Variants in PRR7 observed in about 807,000 individuals in gnomAD.
PRR7 encodes the protein proline-rich protein 7.
Under a neutral mutation model 18.5 loss-of-function variants are expected in PRR7, and 8 were observed. That is an observed-to-expected ratio of 0.43 (90% confidence interval 0.25 to 0.78). The LOEUF (loss-of-function observed/expected upper bound fraction) is 0.78. Among genes scored for constraint, PRR7 ranks in the 30% least tolerant of loss-of-function variants. The pLI, the probability that PRR7 is intolerant of heterozygous loss-of-function variation, is 0.22. For synonymous variants in PRR7, 221 were observed against 187.7 expected (o/e 1.18, Z -1.45); for missense variants, 396 against 403.1 (o/e 0.98, Z 0.15).
chr5:177,456,273 C>T lies in PRR7; in HGVS notation c.*152C>T, dbSNP rs984151132. 4.6e-6 allele frequency: 5 copies of T among 1,075,538 alleles called. No individual in the cohort carries two copies. The highest frequency in any genetic ancestry group is 6.3e-6 in the Non-Finnish European group (5 of 793,084). 66.6% of individuals were successfully genotyped at this position (1,075,538 alleles called of 1,614,324 possible). ...TTTGAGGATAATAAAGGTGTGTGAT[C>T]TGGTTTGGTACAAGCGGAGGGTGCA... On this transcript the variant is annotated 3_prime_UTR_variant, in exon 4 of 4. Coordinates refer to ENST00000323249, the MANE Select transcript of PRR7 (RefSeq NM_030567.5).
At chr5:177,451,777 C>G (rs1390368725) in intron 1 of PRR7, among the ~76,000 whole-genome samples, 1 of 87,272 alleles carries the variant, frequency 1.1e-5, no homozygotes, top group East Asian at 2.9e-4. Context: ...GACTGTGGTG[C>G]CCAGCCCTCA....
chr5:177,453,815 C>T (rs546354655), intron 1 of PRR7, 141 bp from the exon 2 acceptor site: 1 of 152,294 alleles, frequency 6.6e-6, no homozygotes, highest in Non-Finnish European at 1.5e-5. Context: ...AGGAATCATT[C>T]CAGTTACCCC....
chr5:177,453,632 G>C lies in PRR7; in HGVS notation c.-324-324G>C, dbSNP rs549668336. ...AGCAGTGTGTGTGTGCCTCGGGCAC[G>C]CGGAGGGTAGGGTCCGTGGGGCTCC... On this transcript the variant is annotated intron_variant, in intron 1 of 3. Coordinates refer to ENST00000323249, the MANE Select transcript of PRR7 (RefSeq NM_030567.5). Among the ~76,000 whole-genome samples the C allele has an allele frequency of 9.3e-4, 141 of 152,212 alleles. No homozygotes were observed. In the Middle Eastern group the frequency reaches 0.01, roughly 11 times the overall value.
Position 177,455,038 on chromosome 5 carries a change from G to T in PRR7, c.-30G>T. The T allele has an allele frequency of 6.9e-7, 1 of 1,441,764 alleles. No individual in the cohort carries two copies. The highest frequency in any genetic ancestry group is 2.8e-5 in the East Asian group (1 of 36,354). 89.3% of individuals were successfully genotyped at this position (1,441,764 alleles called of 1,614,324 possible). On this transcript the variant is annotated 5_prime_UTR_variant, in exon 3 of 4. Transcript: ENST00000323249. The surrounding 1 kb of genome is among the most constrained non-coding windows in gnomAD (Gnocchi z 6.9). ...AGCGGAGCCCAGTGTCCAGTGAAGC[G>T]TCTGAGGACCCGCCGCCCGTGCCGC...
Position 177,455,791 on chromosome 5 carries a change from C to T in PRR7, c.495C>T (p.Pro165=). The T allele has an allele frequency of 6.2e-7, 1 of 1,611,502 alleles. No individual in the cohort carries two copies. Among genetic ancestry groups the T allele is most frequent in the African/African-American group, 1.3e-5 (1 of 74,946 alleles). ...EAVLMAEPPP[P]YSEVLTDTRG... The stretch of plus-strand genomic sequence containing the variant: ...TGCTGATGGCAGAGCCGCCGCCGCC[C>T]TATAGCGAGGTGCTCACGGACACGC... Residue 165 remains proline (P), a synonymous_variant, in exon 4 of 4, where the codon CCC becomes CCT. Transcript: ENST00000323249. This position sits in a 1 kb window ranked among gnomAD's most constrained non-coding sequence, Gnocchi z 6.9.
At position 177,455,283 on chromosome 5, in the gene PRR7, G is replaced by A; in HGVS notation, c.216G>A (p.Leu72=). The part of the protein sequence containing the change: ...EGSLAGSPPG[L]APPQPPPHRS... ...GTCTGGCCGGGAGCCCCCCGGGCCT[G>A]GCGCCGCCGCAGCCACCACCACACC... Residue 72 remains leucine, a synonymous_variant, in exon 3 of 4, where the codon CTG becomes CTA. Coordinates refer to ENST00000323249, the MANE Select transcript of PRR7 (RefSeq NM_030567.5). The surrounding 1 kb of genome is among the most constrained non-coding windows in gnomAD (Gnocchi z 6.9). The A allele has an allele frequency of 6.6e-7, 1 of 1,509,986 alleles. No homozygotes were observed. The highest frequency in any genetic ancestry group is 8.8e-7 in the Non-Finnish European group (1 of 1,137,402). 93.5% of individuals were successfully genotyped at this position (1,509,986 alleles called of 1,614,324 possible).
At chr5:177,447,337 C>T (rs1045987177) in intron 1 of PRR7, among the ~76,000 whole-genome samples, 3 of 152,130 alleles carry the variant, frequency 2.0e-5, no homozygotes, top group East Asian at 1.9e-4. Flanking sequence ...GGCATGTCGC[C>T]CCTCTGGCCC....
rs1756052932 is a variant in PRR7 at position 177,449,008 on chromosome 5, C to T, written c.-325+2048C>T. 2.0e-5 allele frequency among the ~76,000 whole-genome samples: 3 copies of T among 152,228 alleles called. No individual in the cohort carries two copies. The highest frequency in any genetic ancestry group is 1.3e-4 in the Admixed American group (2 of 15,288). ...GAATGAGTGAGGCGGGCCAGGGAGCCGCTCAGCTCCAATCTTTGTCACTGT... is the reference window on the plus strand; with the variant it reads ...GAATGAGTGAGGCGGGCCAGGGAGCTGCTCAGCTCCAATCTTTGTCACTGT... On this transcript the variant is annotated intron_variant, in intron 1 of 3. Transcript: ENST00000323249. This position sits in a 1 kb window ranked among gnomAD's most constrained non-coding sequence, Gnocchi z 4.2.
Position 177,455,868 on chromosome 5 carries a change from CGGA to C in PRR7, c.574_576del (p.Glu192del), listed in dbSNP as rs756996450. 1 of 1,611,464 alleles carries C rather than the reference CGGA, an allele frequency of 6.2e-7. No individual in the cohort carries two copies. The highest frequency in any genetic ancestry group is 8.5e-7 in the Non-Finnish European group (1 of 1,179,708). ...CCCTTCCTGAGTCGCCGCGACAGCG[CGGA>C]GAAGCAGGAGCAGCCGCCTCCCAGC... On this transcript the variant is annotated inframe_deletion, in exon 4 of 4. Coordinates refer to ENST00000323249, the MANE Select transcript of PRR7 (RefSeq NM_030567.5). The surrounding 1 kb of genome is among the most constrained non-coding windows in gnomAD (Gnocchi z 6.9).
rs1287371939 is a variant in PRR7, at chr5:177,454,841, C to T, written c.-227C>T. ...GTCTGCCCTACAGGTCCCGCGCGGC[C>T]CCGGGTGAGGCACGCCCGCGCGCCC... On this transcript the variant is annotated 5_prime_UTR_variant, in exon 3 of 4. Transcript: ENST00000323249. The surrounding 1 kb of genome is among the most constrained non-coding windows in gnomAD (Gnocchi z 4.7). 3 of 374,022 alleles carry T rather than the reference C, an allele frequency of 8.0e-6. No individual in the cohort carries two copies. The highest frequency in any genetic ancestry group is 1.1e-4 in the East Asian group (2 of 18,692). The allele number at this position is 374,022 out of a possible 1,614,324, so 23.2% of individuals were successfully genotyped here. A position where few individuals can be genotyped will look rare whatever the true frequency, so the allele number is the denominator to read the frequency against.
chr5:177,452,794 G>A (rs969062369), intron 1 of PRR7, among the ~76,000 whole-genome samples: 1 of 152,238 alleles, frequency 6.6e-6, no homozygotes, highest in Non-Finnish European at 1.5e-5. Context: ...GGCGCCCTCA[G>A]GGCACAGAGG....
Position 177,455,535 on chromosome 5 carries a change from G to A in PRR7, c.427+41G>A. 1 of 1,444,024 alleles carries A rather than the reference G, an allele frequency of 6.9e-7. No homozygotes were observed. Among genetic ancestry groups the A allele is most frequent in the Non-Finnish European group, 9.0e-7 (1 of 1,109,176 alleles). The allele number at this position is 1,444,024 out of a possible 1,614,324, so 89.5% of individuals were successfully genotyped here. ...CGCCAGGGGGCGATCCGGGCCGCCG[G>A]AAGTGGGCGGGCGTTGGAGGGCTCG... is the stretch of plus-strand genomic sequence containing the variant. On this transcript the variant is annotated intron_variant, in intron 3 of 3. Transcript: ENST00000323249. The surrounding 1 kb of genome is among the most constrained non-coding windows in gnomAD (Gnocchi z 6.9).
chr5:177,455,348 C>T lies in PRR7; in HGVS notation c.281C>T (p.Pro94Leu), dbSNP rs1561671043. 6.7e-7 allele frequency: 1 copy of T among 1,491,662 alleles called. No individual in the cohort carries two copies. The highest frequency in any genetic ancestry group is 1.9e-4 in the Middle Eastern group (1 of 5,202). 92.4% of individuals were successfully genotyped at this position (1,491,662 alleles called of 1,614,324 possible). A position where few individuals can be genotyped will look rare whatever the true frequency, so the allele number is the denominator to read the frequency against. ...LEAPAHAHSH[P>L]HVHVHPLLHH... ...GCGCCGGCTCACGCGCACTCGCATC[C>T]GCACGTGCACGTGCACCCGCTGCTG... The change falls in exon 3 of 4, where the codon CCG (proline) becomes CTG (leucine). Residue 94 changes from proline (P) to leucine (L), a missense_variant. This residue lies in a region of PRR7 where 383 missense variants were observed against 372.6 expected (regional missense o/e 1.03). Transcript: ENST00000323249. This position sits in a 1 kb window ranked among gnomAD's most constrained non-coding sequence, Gnocchi z 6.9.
chr5:177,448,882 A>G (rs1756044559), intron 1 of PRR7, among the ~76,000 whole-genome samples: 1 of 152,170 alleles, frequency 6.6e-6, no homozygotes, highest in Non-Finnish European at 1.5e-5. Flanking sequence ...GGGAGAGAAA[A>G]TTTAGCAAAG....
In PRR7 at chr5:177,449,498, T is replaced by C. The variant is rs920537135; in HGVS notation, c.-325+2538T>C. ...CAGGCCTACCCCTCGGCACTCTGCA[T>C]GTTACCCAGGCTGCCCCCCACAGGG... On this transcript the variant is annotated intron_variant, in intron 1 of 3. Coordinates refer to ENST00000323249, the MANE Select transcript of PRR7 (RefSeq NM_030567.5). This position sits in a 1 kb window ranked among gnomAD's most constrained non-coding sequence, Gnocchi z 4.2. Among the ~76,000 whole-genome samples, 1 of 128,144 alleles carries C rather than the reference T, an allele frequency of 7.8e-6. No individual in the cohort carries two copies. Among genetic ancestry groups the C allele is most frequent in the Non-Finnish European group, 1.8e-5 (1 of 56,618 alleles). 84.1% of individuals were successfully genotyped at this position (128,144 alleles called of 152,430 possible).
At chr5:177,448,741 C>A (rs1756036936) in intron 1 of PRR7, among the ~76,000 whole-genome samples, 1 of 152,222 alleles carries the variant, frequency 6.6e-6, no homozygotes, top group African/African-American at 2.4e-5. Flanking sequence ...CCCTTCTTCA[C>A]TTCCTCCCTC....
At position 177,455,417 on chromosome 5, in the gene PRR7, C is replaced by T; in HGVS notation, c.350C>T (p.Pro117Leu). The change falls in exon 3 of 4, where the codon CCG (proline) becomes CTG (leucine). Residue 117 changes from proline (P) to leucine (L), a missense_variant. Physicochemically the swap from Pro to Leu is moderately conservative, Grantham distance 98. Transcript: ENST00000323249. This position sits in a 1 kb window ranked among gnomAD's most constrained non-coding sequence, Gnocchi z 6.9. ...AQPHAHAHPHPHHHALPHPPP... is the reference protein window; with the variant it reads ...AQPHAHAHPHLHHHALPHPPP... Reference sequence around the variant, plus strand: ...CCGCACGCGCACGCGCACCCACACCCGCACCACCACGCGCTCCCGCACCCG... The same window carrying T: ...CCGCACGCGCACGCGCACCCACACCTGCACCACCACGCGCTCCCGCACCCG... 1.3e-6 allele frequency: 2 copies of T among 1,504,340 alleles called. No homozygotes were observed. The highest frequency in any genetic ancestry group is 1.8e-6 in the Non-Finnish European group (2 of 1,133,736). The allele number at this position is 1,504,340 out of a possible 1,614,324, so 93.2% of individuals were successfully genotyped here.
At position 177,455,352 on chromosome 5, in the gene PRR7, C is replaced by T. The variant is rs1245509537; in HGVS notation, c.285C>T (p.His95=). 9 of 1,493,076 alleles carry T rather than the reference C, an allele frequency of 6.0e-6. No individual in the cohort carries two copies. Among genetic ancestry groups the T allele is most frequent in the Middle Eastern group, 3.8e-4 (2 of 5,280 alleles). 92.5% of individuals were successfully genotyped at this position (1,493,076 alleles called of 1,614,324 possible). ...CGGCTCACGCGCACTCGCATCCGCACGTGCACGTGCACCCGCTGCTGCACC... is the reference window on the plus strand; with the variant it reads ...CGGCTCACGCGCACTCGCATCCGCATGTGCACGTGCACCCGCTGCTGCACC... ...EAPAHAHSHP[H]VHVHPLLHHG... is the part of the protein sequence containing the mutation. The change falls in exon 3 of 4, where the codon CAC becomes CAT. Residue 95 remains histidine (H), a synonymous_variant. Transcript: ENST00000323249. The surrounding 1 kb of genome is among the most constrained non-coding windows in gnomAD (Gnocchi z 6.9).
At chr5:177,447,984 G>A (rs1042122714) in intron 1 of PRR7, among the ~76,000 whole-genome samples, 11 of 152,190 alleles carry the variant, frequency 7.2e-5, no homozygotes, top group Admixed American at 2.0e-4. Flanking sequence ...AGCTCCTCTG[G>A]GAGGAGAATG....
Sources: gnomAD v4.1 joint callset for allele counts (sites outside exome capture counted in the v4.1 genomes callset) on GRCh38, gnomAD v4.1.1 for gene constraint, gnomAD v4.1.1 regional missense constraint, Gnocchi (gnomAD v3.1) non-coding constraint, MANE v1.5 for transcripts, NCBI Gene and HGNC (gene_info 2026-07-23, HGNC 2026-07-21) for gene names.